The following BCKDHB variants were observed in gnomAD, a reference collection of about 807,000 sequenced individuals.
BCKDHB encodes 2-oxoisovalerate dehydrogenase subunit beta, mitochondrial.
A neutral mutation model predicts 48.5 loss-of-function variants in BCKDHB; 41 were observed. The observed-to-expected ratio is 0.85, with a 90% confidence interval of 0.66 to 1.10. BCKDHB has a LOEUF of 1.10. Ranked by LOEUF, BCKDHB falls within the 50% of genes least tolerant of loss-of-function variation. BCKDHB has a pLI of 0.00. For missense variants in BCKDHB, 496 were observed against 494.2 expected (o/e 1.00, Z -0.03); for synonymous variants, 201 against 174.8 (o/e 1.15, Z -1.18).
intron 8 of BCKDHB, among the ~76,000 whole-genome samples, chr6:80,239,979 A>G (rs1406831558): frequency 6.6e-6 from 1 of 152,198 alleles, no homozygotes; most frequent in East Asian, 1.9e-4. Flanking sequence ...TTTTGGTACC[A>G]GTACCATGCT....
At chr6:80,339,417 G>A (rs1473429738) in intron 9 of BCKDHB, among the ~76,000 whole-genome samples, 1 of 152,078 alleles carries the variant, frequency 6.6e-6, no homozygotes, top group Non-Finnish European at 1.5e-5. Context: ...AATGAAACAA[G>A]ACAAAAAGGT....
At chr6:80,233,474 C>G (rs553433760) in intron 8 of BCKDHB, among the ~76,000 whole-genome samples, 12 of 152,264 alleles carry the variant, frequency 7.9e-5, no homozygotes, top group African/African-American at 2.9e-4. Context: ...GGAAAGTTCA[C>G]ATCATTGCTC....
At chr6:80,378,003 A>G in the BCKDHB span, among the ~76,000 whole-genome samples, 4 of 152,312 alleles carry the variant, frequency 2.6e-5, no homozygotes, top group Middle Eastern at 0.01. Context: ...TTATTTCAAC[A>G]ATGTTTTATA....
At chr6:80,199,164 C>G (rs1010755196) in intron 6 of BCKDHB, among the ~76,000 whole-genome samples, 3 of 152,060 alleles carry the variant, frequency 2.0e-5, no homozygotes, top group Non-Finnish European at 4.4e-5. Flanking sequence ...GAATGTGGAA[C>G]TCACTTCTGT....
At chr6:80,124,333 T>G (rs1380183322) in intron 1 of BCKDHB, among the ~76,000 whole-genome samples, 8 of 152,204 alleles carry the variant, frequency 5.3e-5, no homozygotes, top group Admixed American at 4.6e-4. Context: ...AATTTTAGAA[T>G]AAGTGTGATG....
At chr6:80,379,277 T>C in the BCKDHB span, among the ~76,000 whole-genome samples, 2 of 151,984 alleles carry the variant, frequency 1.3e-5, no homozygotes, top group African/African-American at 4.8e-5. Flanking sequence ...GCAAGGATGA[T>C]TCAACATATG....
intron 6 of BCKDHB, among the ~76,000 whole-genome samples, chr6:80,177,225 C>CAAAAAA (rs575991853): frequency 7.0e-5 from 3 of 43,158 alleles, no homozygotes; most frequent in Non-Finnish European, 1.2e-4. Context: ...GACCTTGTCT[C>CAAAAAA]AAAAAAAAAA....
intron 1 of BCKDHB, among the ~76,000 whole-genome samples, chr6:80,120,469 C>G (rs1482250782): frequency 6.6e-6 from 1 of 152,182 alleles, no homozygotes; most frequent in Non-Finnish European, 1.5e-5. Context: ...CCAATTTACA[C>G]TCCCACCAAG....
intron 7 of BCKDHB, among the ~76,000 whole-genome samples, chr6:80,202,096 T>C (rs1381222383): frequency 6.6e-6 from 1 of 152,198 alleles, no homozygotes; most frequent in Non-Finnish European, 1.5e-5. Context: ...TGTGGTCAGC[T>C]CATGACCTTA....
the BCKDHB span, among the ~76,000 whole-genome samples, chr6:80,369,001 A>G: frequency 2.2e-5 from 3 of 136,406 alleles, no homozygotes; most frequent in Non-Finnish European, 3.1e-5. Context: ...TGACAGAGTG[A>G]GACTCCATCT....
chr6:80,149,578 C>G (rs1446909582), intron 3 of BCKDHB, among the ~76,000 whole-genome samples: 2 of 151,382 alleles, frequency 1.3e-5, no homozygotes, highest in South Asian at 4.2e-4. Flanking sequence ...GGAACCAACC[C>G]AAATGTCCAA....
chr6:80,404,312 G>C, the BCKDHB span, among the ~76,000 whole-genome samples: 13 of 151,708 alleles, frequency 8.6e-5, no homozygotes, highest in Non-Finnish European at 1.8e-4. Context: ...TAGGAACTTG[G>C]ATGTTTCTAA....
chr6:80,341,697 A>G (rs1769913750), intron 9 of BCKDHB, among the ~76,000 whole-genome samples: 1 of 152,240 alleles, frequency 6.6e-6, no homozygotes, highest in African/African-American at 2.4e-5. Context: ...GAGAACAGTC[A>G]TTTTATAACA....
At chr6:80,383,981 C>G in the BCKDHB span, among the ~76,000 whole-genome samples, 2 of 152,118 alleles carry the variant, frequency 1.3e-5, no homozygotes, top group Admixed American at 1.3e-4. Flanking sequence ...TACTCATGAG[C>G]TCTTAATTTT....
the BCKDHB span, among the ~76,000 whole-genome samples, chr6:80,353,821 C>G: frequency 7.3e-5 from 11 of 151,568 alleles, no homozygotes; most frequent in South Asian, 2.3e-3. Context: ...CCACTGTGCT[C>G]CAGCCTGGGC....
chr6:80,114,995 T>G (rs1050427606), intron 1 of BCKDHB, among the ~76,000 whole-genome samples: 4 of 152,244 alleles, frequency 2.6e-5, no homozygotes, highest in Non-Finnish European at 5.9e-5. Flanking sequence ...TCTCTTCAAC[T>G]TTACAGTTTT....
intron 9 of BCKDHB, among the ~76,000 whole-genome samples, chr6:80,342,506 A>C (rs1769958456): frequency 7.5e-6 from 1 of 134,076 alleles, no homozygotes; most frequent in Non-Finnish European, 1.6e-5. Context: ...GGATCACTTG[A>C]GCCCAGGAGT....
chr6:80,343,136 GCCAGAGAC>G (rs1770005331), intron 9 of BCKDHB, among the ~76,000 whole-genome samples: 1 of 152,178 alleles, frequency 6.6e-6, no homozygotes, highest in African/African-American at 2.4e-5. Flanking sequence ...GGTGTGAGTG[GCCAGAGAC>G]CCAGCATTAT....
At chr6:80,107,500 CATATATATGTGCGCATAT>C (rs1562050356) in intron 1 of BCKDHB, among the ~76,000 whole-genome samples, 5 of 114,312 alleles carry the variant, frequency 4.4e-5, no homozygotes, top group African/African-American at 9.9e-5. Flanking sequence ...CATATATATG[CATATATATGTGCGCATAT>C]ATATATATAT....
Sources: gnomAD v4.1 joint callset for allele counts (sites outside exome capture counted in the v4.1 genomes callset) on GRCh38, gnomAD v4.1.1 for gene constraint, MANE v1.5 for transcripts, NCBI Gene and HGNC (gene_info 2026-07-23, HGNC 2026-07-21) for gene names.